The following IPO8 variants were observed in gnomAD, a reference collection of about 807,000 sequenced individuals.
IPO8 encodes the protein importin-8.
IPO8 carries 65 observed loss-of-function variants against 141.2 expected under a neutral mutation model. The observed-to-expected ratio is 0.46, with a 90% CI of 0.38 to 0.57. The LOEUF (loss-of-function observed/expected upper bound fraction) is 0.57. Among genes scored for constraint, IPO8 ranks in the 20% least tolerant of loss-of-function variants. IPO8 has a pLI of 0.00. For missense variants in IPO8, 980 were observed against 1,246.8 expected, an observed-to-expected ratio of 0.79 and a Z score of 3.22; for synonymous variants, 411 against 420.3, an observed-to-expected ratio of 0.98 and a Z score of 0.27.
rs2052398301 is a variant in IPO8, at chr12:30,629,220, T to C, written c.*1640A>G. The C allele has an allele frequency of 6.6e-6, 1 of 152,182 alleles. No homozygotes were observed. Among genetic ancestry groups the C allele is most frequent in the African/African-American group, 2.4e-5 (1 of 41,438 alleles). The allele number at this position is 152,182 out of a possible 1,614,324, so 9.4% of individuals were successfully genotyped here. On this transcript the variant is annotated 3_prime_UTR_variant, in exon 25 of 25. Transcript: ENST00000256079. Reference sequence around the variant, plus strand: ...AAATCACATGCCTTTTACAATCCAGTGTGAAGGCATATTATTTATGTTAAA... The same window carrying C: ...AAATCACATGCCTTTTACAATCCAGCGTGAAGGCATATTATTTATGTTAAA...
chr12:30,678,925 C>T lies in IPO8; in HGVS notation c.639+1557G>A, dbSNP rs370828257. Among the ~76,000 whole-genome samples, 72 of 152,276 alleles carry T rather than the reference C, an allele frequency of 4.7e-4. No homozygotes were observed. In the South Asian group the frequency reaches 0.014, roughly 30 times the overall value. On this transcript the variant is annotated intron_variant, in intron 5 of 24. Coordinates refer to ENST00000256079, the MANE Select transcript of IPO8 (RefSeq NM_006390.4). ...TGCAATCTCAGATCACTGCAACCTC[C>T]GCCTCCTGGGTTTGAGCAATTCTCT...
intron 1 of IPO8, among the ~76,000 whole-genome samples, chr12:30,691,711 A>G (rs1373052517): frequency 2.6e-5 from 4 of 152,194 alleles, no homozygotes; most frequent in African/African-American, 9.7e-5. Flanking sequence ...CATCCCTTTC[A>G]ATACACAGCT....
At position 30,695,695 on chromosome 12, in the gene IPO8, C is replaced by A. The variant is rs375790987; in HGVS notation, c.-48G>T. On this transcript the variant is annotated 5_prime_UTR_variant, in exon 1 of 25. Transcript: ENST00000256079. This position sits in a 1 kb window ranked among gnomAD's most constrained non-coding sequence, Gnocchi z 4.2. ...GCCCCCGGAACAGTAGGCCGGACTG[C>A]AGCTTTAGTTTTCTTTTGACCCTCT... 6.4e-7 allele frequency: 1 copy of A among 1,552,032 alleles called. No homozygotes were observed. The highest frequency in any genetic ancestry group is 1.4e-5 in the African/African-American group (1 of 73,430).
intron 16 of IPO8, among the ~76,000 whole-genome samples, chr12:30,657,447 T>A (rs1177841044): frequency 1.3e-5 from 2 of 152,072 alleles, no homozygotes; most frequent in Non-Finnish European, 2.9e-5. Context: ...ATTTCTGGAG[T>A]GTAAATGGTA....
chr12:30,661,690 C>A (rs2052890531), intron 15 of IPO8, among the ~76,000 whole-genome samples: 1 of 148,792 alleles, frequency 6.7e-6, no homozygotes, highest in African/African-American at 2.5e-5. Context: ...AGATGTGATT[C>A]TCCATATCAG....
intron 10 of IPO8, among the ~76,000 whole-genome samples, chr12:30,667,691 T>C (rs2052986489): frequency 6.6e-6 from 1 of 152,234 alleles, no homozygotes; most frequent in Non-Finnish European, 1.5e-5. Context: ...GAGTTACCCA[T>C]ATCCGCTTTT....
chr12:30,671,117 C>T (rs2053042504), intron 8 of IPO8, 21 bp from the exon 9 acceptor site: 8 of 1,507,810 alleles, frequency 5.3e-6, no homozygotes, highest in Admixed American at 1.7e-5. Flanking sequence ...ACAGAAAATA[C>T]AGACTAACAT....
chr12:30,676,970 T>A, intron 5 of IPO8: 1 of 1,532,240 alleles, frequency 6.5e-7, no homozygotes, highest in Non-Finnish European at 8.7e-7. Flanking sequence ...CATGAAACAT[T>A]TTTTTAAATT....
chr12:30,673,345 A>G (rs1265851450), intron 8 of IPO8, among the ~76,000 whole-genome samples: 1 of 152,248 alleles, frequency 6.6e-6, no homozygotes, highest in African/African-American at 2.4e-5. Context: ...TGGTCCTGAC[A>G]CAGCCAGTGG....
intron 19 of IPO8, 39 bp from the exon 20 acceptor site, chr12:30,649,271 T>C: frequency 7.1e-7 from 1 of 1,402,618 alleles, no homozygotes; most frequent in African/African-American, 1.4e-5. Context: ...TAAGTGGCAC[T>C]GCATAGAGGT....
chr12:30,677,443 A>G (rs372102760), intron 5 of IPO8, among the ~76,000 whole-genome samples: 4 of 152,194 alleles, frequency 2.6e-5, no homozygotes, highest in African/African-American at 9.7e-5. Flanking sequence ...CTACTAGTTT[A>G]TATTTTTACT....
chr12:30,664,456 A>T (rs2052933227), intron 13 of IPO8, among the ~76,000 whole-genome samples: 1 of 152,252 alleles, frequency 6.6e-6, no homozygotes, highest in South Asian at 2.1e-4. Context: ...CTATTTCTCC[A>T]TAAAATATAT....
rs764970198 is a variant in IPO8 at position 30,680,606 on chromosome 12, A to G, written c.515T>C (p.Ile172Thr). The G allele has an allele frequency of 1.9e-6, 3 of 1,612,142 alleles. No individual in the cohort carries two copies. The highest frequency in any genetic ancestry group is 1.1e-5 in the South Asian group (1 of 90,718). The part of the protein sequence containing the change: ...YKKAEEREPL[I>T]IAMQIFLPRI... ...AGGCAGGAATATCTGCATTGCTATT[A>G]TAAGAGGTTCTCTCTCTTCTGCTTT... is the stretch of plus-strand genomic sequence containing the variant. The change falls in exon 5 of 25, where the codon ATA becomes ACA. Residue 172 changes from isoleucine to threonine, a missense_variant. By Grantham distance (89) the Ile-to-Thr change is moderately conservative. This residue lies in a region of IPO8 where 924 missense variants were observed against 1,153.9 expected (regional missense o/e 0.80). Coordinates refer to ENST00000256079, the MANE Select transcript of IPO8 (RefSeq NM_006390.4).
intron 22 of IPO8, among the ~76,000 whole-genome samples, chr12:30,634,871 C>T (rs189060087): frequency 1.2e-4 from 18 of 152,170 alleles, no homozygotes; most frequent in Admixed American, 3.9e-4. Context: ...ATGTCAGCAG[C>T]CCTGTGTTCA....
intron 1 of IPO8, among the ~76,000 whole-genome samples, chr12:30,693,997 C>T (rs2053315038): frequency 6.6e-6 from 1 of 152,116 alleles, no homozygotes; most frequent in Non-Finnish European, 1.5e-5. Context: ...TTTTCCACTT[C>T]TATAACATCA....
chr12:30,641,524 CAG>C lies in IPO8; in HGVS notation c.2269-1791_2269-1790del, dbSNP rs550070760. Among the ~76,000 whole-genome samples, 67 of 133,198 alleles carry C rather than the reference CAG, an allele frequency of 5.0e-4. 1 individual carries two copies. The East Asian group carries it at 0.011, about 22-fold the overall frequency. 87.4% of individuals were successfully genotyped at this position (133,198 alleles called of 152,430 possible). A position where few individuals can be genotyped will look rare whatever the true frequency, so the allele number is the denominator to read the frequency against. ...TTTTTTTTTTTTTCTTTTTTGGAGACAGAGTCTTGCTCTGTCACCCAGGCTAG... is the reference window on the plus strand; with the variant it reads ...TTTTTTTTTTTTTCTTTTTTGGAGACAGTCTTGCTCTGTCACCCAGGCTAG... On this transcript the variant is annotated intron_variant, in intron 20 of 24. Coordinates refer to ENST00000256079, the MANE Select transcript of IPO8 (RefSeq NM_006390.4).
At position 30,681,643 on chromosome 12, in the gene IPO8, A is replaced by G. The variant is rs376582323; in HGVS notation, c.482+16T>C. 1.3e-5 allele frequency: 21 copies of G among 1,604,390 alleles called. No individual in the cohort carries two copies. The highest frequency in any genetic ancestry group is 1.7e-5 in the Admixed American group (1 of 58,628). On this transcript the variant is annotated intron_variant, in intron 4 of 24. Coordinates refer to ENST00000256079, the MANE Select transcript of IPO8 (RefSeq NM_006390.4). ...TACACAAGGCTGCTTTCTTCAGCCA[A>G]TGGAAACCAACTTACTCATATGTCT...
intron 15 of IPO8, 88 bp from the exon 16 acceptor site, chr12:30,661,354 A>G: frequency 8.0e-7 from 1 of 1,247,230 alleles, no homozygotes; most frequent in Admixed American, 2.7e-5. Context: ...AGTGTCACAC[A>G]TCTGAAGTCT....
At chr12:30,676,686 C>T (rs1018352130) in intron 5 of IPO8, 99 bp from the exon 6 acceptor site, 1 of 875,294 alleles carries the variant, frequency 1.1e-6, no homozygotes, top group Non-Finnish European at 1.9e-6. Flanking sequence ...AAAGGGCTAA[C>T]ATTTGAGAAT....
Sources: allele counts gnomAD v4.1 joint callset (sites outside exome capture counted in the v4.1 genomes callset), GRCh38; gene constraint gnomAD v4.1.1; regional missense constraint gnomAD v4.1.1; non-coding constraint Gnocchi (gnomAD v3.1); transcripts MANE v1.5; gene names NCBI Gene and HGNC (gene_info 2026-07-23, HGNC 2026-07-21).